TFR2: variants seen among roughly 807,000 people sequenced by gnomAD.
TFR2 encodes transferrin receptor protein 2.
In TFR2, 64 loss-of-function variants were observed where a neutral mutation model predicts 91.9. The observed-to-expected ratio is 0.70, with a 90% CI of 0.57 to 0.86. The LOEUF (loss-of-function observed/expected upper bound fraction) is 0.86, where lower values mean the gene tolerates loss of function less well. Among genes scored for constraint, TFR2 ranks in the 40% least tolerant of loss-of-function variants. The pLI is 0.00. For missense variants in TFR2, 950 were observed against 1,080.5 expected (o/e 0.88, Z 1.69); for synonymous variants, 454 against 459.6 (o/e 0.99, Z 0.15).
At position 100,627,363 on chromosome 7, in the gene TFR2, C is replaced by A; in HGVS notation, c.1896G>T (p.Arg632=). 1 of 1,553,176 alleles carries A rather than the reference C, an allele frequency of 6.4e-7. No individual in the cohort carries two copies. Among genetic ancestry groups the A allele is most frequent in the South Asian group, 1.2e-5 (1 of 84,280 alleles). The part of the protein sequence containing the change: ...VAQLAGQLLI[R]LSHDRLLPLD... ...GGGGCAGCAGGCGATCGTGGCTGAGCCGGATGAGGAGCTGCCCTGCGAGCT... is the reference window on the plus strand; with the variant it reads ...GGGGCAGCAGGCGATCGTGGCTGAGACGGATGAGGAGCTGCCCTGCGAGCT... The change falls in exon 16 of 18, where the codon CGG becomes CGT. Residue 632 remains arginine, a synonymous_variant. Transcript: ENST00000223051.
At chr7:100,637,913 C>A (rs1803606700) in intron 3 of TFR2, among the ~76,000 whole-genome samples, 1 of 151,448 alleles carries the variant, frequency 6.6e-6, no homozygotes, top group Admixed American at 6.6e-5. Flanking sequence ...CTCACCGCAA[C>A]CTCCGCCTCC....
Position 100,641,469 on chromosome 7 carries a change from A to G in TFR2, c.33+8T>C. The G allele has an allele frequency of 6.2e-7, 1 of 1,613,884 alleles. No individual in the cohort carries two copies. The highest frequency in any genetic ancestry group is 8.5e-7 in the Non-Finnish European group (1 of 1,179,898). ...CCTAAGGGGTCTTCCCAATCCCACTAGTCTTACCGCTCTCTGGAATAGACC... is the reference window on the plus strand; with the variant it reads ...CCTAAGGGGTCTTCCCAATCCCACTGGTCTTACCGCTCTCTGGAATAGACC... On this transcript the variant is annotated splice_region_variant and intron_variant, in intron 1 of 17. Transcript: ENST00000223051.
At chr7:100,640,940 A>G in intron 2 of TFR2, 36 bp downstream of exon 2, 3 of 1,613,598 alleles carry the variant, frequency 1.9e-6, no homozygotes, top group Non-Finnish European at 2.5e-6. Context: ...CCCCCAGCCC[A>G]AGCCCTTCAC....
At chr7:100,623,138 TG>T (rs967372015) in intron 17 of TFR2, among the ~76,000 whole-genome samples, 4 of 152,110 alleles carry the variant, frequency 2.6e-5, no homozygotes, top group Admixed American at 1.3e-4. Flanking sequence ...CTGGGTGTGG[TG>T]GCACATGCCT....
chr7:100,631,009 G>A lies in TFR2; in HGVS notation c.1150C>T (p.Leu384Phe). ...PVAPQEWQGS[L>F]LGSPYHLGPG... Reference sequence around the variant, plus strand: ...CCCAGGTGATAAGGGGAGCCTAGGAGGCTCCCCTGCCATTCTTGGGGGGCC... The same window carrying A: ...CCCAGGTGATAAGGGGAGCCTAGGAAGCTCCCCTGCCATTCTTGGGGGGCC... The change falls in exon 9 of 18, where the codon CTC becomes TTC. Residue 384 changes from leucine (L) to phenylalanine (F), a missense_variant. Physicochemically the swap from Leu to Phe is conservative, Grantham distance 22. Coordinates refer to ENST00000223051, the MANE Select transcript of TFR2 (RefSeq NM_003227.4). 6.5e-7 allele frequency: 1 copy of A among 1,530,510 alleles called. No individual in the cohort carries two copies. The highest frequency in any genetic ancestry group is 8.7e-7 in the Non-Finnish European group (1 of 1,144,262). The allele number at this position is 1,530,510 out of a possible 1,614,324, so 94.8% of individuals were successfully genotyped here.
At chr7:100,632,347 C>A (rs980524378) in intron 6 of TFR2, 149 bp from the exon 7 acceptor site, 7 of 768,336 alleles carry the variant, frequency 9.1e-6, no homozygotes, top group Non-Finnish European at 6.8e-6. Flanking sequence ...GTCTTCCCAA[C>A]CTCAGCAGCT....
intron 17 of TFR2, among the ~76,000 whole-genome samples, chr7:100,624,897 G>A (rs1038038755): frequency 6.6e-6 from 1 of 151,272 alleles, no homozygotes; most frequent in Non-Finnish European, 1.5e-5. Context: ...AAAAACAAGC[G>A]GCAGTTTGAA....
In TFR2 at chr7:100,628,259, C is replaced by T. The variant is rs777401563; in HGVS notation, c.1438G>A (p.Asp480Asn). Reference protein sequence around the residue: ...SLLFISWDGGDFGSVGSTEWL... With the variant: ...SLLFISWDGGNFGSVGSTEWL... ...TCCGTGGAGCCCACGCTTCCAAAGT[C>T]ACCACCGTCCCAGCTGATGAAGAGG... Residue 480 changes from aspartate to asparagine, a missense_variant, in exon 11 of 18, where the codon GAC becomes AAC. Coordinates refer to ENST00000223051, the MANE Select transcript of TFR2 (RefSeq NM_003227.4). 1.2e-6 allele frequency: 2 copies of T among 1,613,734 alleles called. No individual in the cohort carries two copies. Among genetic ancestry groups the T allele is most frequent in the South Asian group, 1.1e-5 (1 of 91,048 alleles).
intron 3 of TFR2, among the ~76,000 whole-genome samples, chr7:100,639,600 G>A (rs139794068): frequency 6.7e-6 from 1 of 149,964 alleles, no homozygotes; most frequent in East Asian, 1.9e-4. Context: ...AAACGTAGAA[G>A]GTATAAGCAT....
At chr7:100,634,538 C>T (rs561025648) in intron 3 of TFR2, among the ~76,000 whole-genome samples, 3 of 152,272 alleles carry the variant, frequency 2.0e-5, no homozygotes, top group East Asian at 1.9e-4. Flanking sequence ...CATGACGACC[C>T]GCCCCATATG....
chr7:100,631,305 CTTTTT>C (rs542161282), intron 8 of TFR2, among the ~76,000 whole-genome samples: 2 of 95,690 alleles, frequency 2.1e-5, no homozygotes, highest in South Asian at 4.0e-4. Context: ...AGAAGAGTCA[CTTTTT>C]TTTTTTTTTT....
In TFR2 at chr7:100,629,292, G is replaced by A. The variant is rs1040654031; in HGVS notation, c.1351C>T (p.Leu451=). Residue 451 remains leucine (L), a synonymous_variant, in exon 10 of 18, where the codon CTG becomes TTG. Transcript: ENST00000223051. ...GAGGAAAAGGTCCGCACCAGCTCCA[G>A]GAGTATAGCCGTCCCCACAGCGGAT... ...AKSAVGTAIL[L]ELVRTFSSMV... 1.9e-6 allele frequency: 3 copies of A among 1,614,116 alleles called. No individual in the cohort carries two copies. Among genetic ancestry groups the A allele is most frequent in the Non-Finnish European group, 2.5e-6 (3 of 1,179,958 alleles).
chr7:100,621,233 TTTC>T, intron 17 of TFR2, 107 bp from the exon 18 acceptor site: 2 of 1,332,408 alleles, frequency 1.5e-6, no homozygotes, highest in Non-Finnish European at 2.0e-6. Context: ...GTTTGTTTGT[TTTC>T]TTTTTGTGTT....
intron 4 of TFR2, 27 bp from the exon 5 acceptor site, chr7:100,633,367 C>G (rs778448570): frequency 2.1e-5 from 34 of 1,606,920 alleles, no homozygotes; most frequent in Non-Finnish European, 2.2e-5. Flanking sequence ...GTGAGCGCCC[C>G]GAGCCGCGTC....
At chr7:100,630,819 G>A in intron 9 of TFR2, 70 bp downstream of exon 9, 4 of 1,603,486 alleles carry the variant, frequency 2.5e-6, no homozygotes, top group Non-Finnish European at 3.4e-6. Context: ...CCCCTATCTT[G>A]CCAGGGTGTA....
chr7:100,636,465 T>C (rs932073345), intron 3 of TFR2, among the ~76,000 whole-genome samples: 3 of 152,060 alleles, frequency 2.0e-5, no homozygotes, highest in Admixed American at 6.6e-5. Context: ...CGTGAGCCAC[T>C]GTGCCTGGCC....
chr7:100,634,605 G>C (rs1398569440), intron 3 of TFR2, among the ~76,000 whole-genome samples: 1 of 152,136 alleles, frequency 6.6e-6, no homozygotes, highest in Non-Finnish European at 1.5e-5. Flanking sequence ...GGAGGGGAGT[G>C]GGGAGGATCA....
chr7:100,631,056 G>A lies in TFR2; in HGVS notation c.1107-4C>T, dbSNP rs1355173070. The A allele has an allele frequency of 6.4e-7, 1 of 1,564,178 alleles. No individual in the cohort carries two copies. The highest frequency in any genetic ancestry group is 2.3e-5 in the East Asian group (1 of 44,374). On this transcript the variant is annotated splice_polypyrimidine_tract_variant and splice_region_variant and intron_variant, in intron 8 of 17. Transcript: ENST00000223051. ...GGCCACAGGGCCTTTGAGCTTCCTG[G>A]AGAGGAGGAAGGCAGAAAGGGGGAA...
chr7:100,626,889 GGT>G lies in TFR2; in HGVS notation c.2008_2009del (p.Thr670ProfsTer121), dbSNP rs1803274119. On this transcript the variant is annotated frameshift_variant, in exon 17 of 18. Coordinates refer to ENST00000223051, the MANE Select transcript of TFR2 (RefSeq NM_003227.4). LOFTEE classifies it high-confidence loss of function. ...FSGDLKARGLTLQWVYSARGD... is the reference protein window; with the variant it reads ...FSGDLKARGLXLQWVYSARGD... Reference sequence around the variant, plus strand: ...CCCGCGCCGAGTACACCCACTGCAGGGTCAGCCCGCGGGCCTGGGGTGGGGAG... The same window carrying G: ...CCCGCGCCGAGTACACCCACTGCAGGCAGCCCGCGGGCCTGGGGTGGGGAG... 6.5e-7 allele frequency: 1 copy of G among 1,543,120 alleles called. No homozygotes were observed. Among genetic ancestry groups the G allele is most frequent in the East Asian group, 2.4e-5 (1 of 40,904 alleles).
Sources: allele counts gnomAD v4.1 joint callset (sites outside exome capture counted in the v4.1 genomes callset), GRCh38; gene constraint gnomAD v4.1.1; transcripts MANE v1.5; gene names NCBI Gene and HGNC (gene_info 2026-07-23, HGNC 2026-07-21).